MMP16: variants seen among roughly 807,000 people sequenced by gnomAD.
The protein encoded by MMP16 is matrix metallopeptidase 16.
A neutral mutation model predicts 67.8 loss-of-function variants in MMP16; 12 were observed. The ratio of observed to expected loss-of-function variants is 0.18; its 90% CI spans 0.11 to 0.29. The LOEUF (loss-of-function observed/expected upper bound fraction) is 0.29, where lower values mean the gene tolerates loss of function less well. Ranked by LOEUF, MMP16 falls within the 10% of genes least tolerant of loss-of-function variation. MMP16 has a pLI of 1.00. For synonymous variants in MMP16, 249 were observed against 255.9 expected (o/e 0.97, Z 0.26); for missense variants, 475 against 765.7 (o/e 0.62, Z 4.48).
chr8:88,128,027 C>A (rs1451119836), intron 4 of MMP16, among the ~76,000 whole-genome samples: 1 of 151,784 alleles, frequency 6.6e-6, no homozygotes, highest in Non-Finnish European at 1.5e-5. Context: ...TACTGTCATG[C>A]AAAGACACAG....
intron 3 of MMP16, among the ~76,000 whole-genome samples, chr8:88,184,806 T>G (rs1401748604): frequency 7.5e-6 from 1 of 133,366 alleles, no homozygotes; most frequent in African/African-American, 2.8e-5. Context: ...CATGTTTTCC[T>G]CTCAGAAAAC....
chr8:88,093,272 C>T (rs1808969824), intron 6 of MMP16, among the ~76,000 whole-genome samples: 1 of 151,836 alleles, frequency 6.6e-6, no homozygotes, highest in Non-Finnish European at 1.5e-5. Flanking sequence ...CAGAAGCCGA[C>T]TTTTGATTAT....
chr8:88,061,266 A>G (rs1808396880), intron 7 of MMP16, among the ~76,000 whole-genome samples: 1 of 151,996 alleles, frequency 6.6e-6, no homozygotes, highest in South Asian at 2.1e-4. Context: ...ATTTTAGTCA[A>G]ATCCCTGTGG....
chr8:88,316,076 G>A (rs1487575652), intron 1 of MMP16, among the ~76,000 whole-genome samples: 1 of 152,198 alleles, frequency 6.6e-6, no homozygotes, highest in Non-Finnish European at 1.5e-5. Flanking sequence ...TGGAGGCTGA[G>A]AGAGGTGAGG....
intron 1 of MMP16, among the ~76,000 whole-genome samples, chr8:88,215,848 A>G (rs1809584073): frequency 6.6e-6 from 1 of 152,138 alleles, no homozygotes; most frequent in Non-Finnish European, 1.5e-5. Flanking sequence ...ATTCTGACTG[A>G]CATGTATGGC....
At chr8:88,278,298 C>CA (rs971117172) in intron 1 of MMP16, among the ~76,000 whole-genome samples, 25 of 152,048 alleles carry the variant, frequency 1.6e-4, no homozygotes, top group African/African-American at 6.0e-4. Flanking sequence ...AGAACATGTC[C>CA]ACTGCTTGAG....
intron 1 of MMP16, among the ~76,000 whole-genome samples, chr8:88,204,278 A>C (rs542241875): frequency 6.6e-6 from 1 of 152,346 alleles, no homozygotes; most frequent in South Asian, 2.1e-4. Flanking sequence ...ATTTTACCAA[A>C]AGCCTTTACA....
intron 4 of MMP16, among the ~76,000 whole-genome samples, chr8:88,143,657 T>C (rs534927491): frequency 6.6e-6 from 1 of 152,144 alleles, no homozygotes; most frequent in African/African-American, 2.4e-5. Flanking sequence ...GAAAAGATTT[T>C]AGGTTGATTA....
chr8:88,197,382 T>A, intron 1 of MMP16, 76 bp from the exon 2 acceptor site: 1 of 1,268,200 alleles, frequency 7.9e-7, no homozygotes, highest in Non-Finnish European at 1.0e-6. Context: ...AATGTATATC[T>A]ATAATAGAGT....
At chr8:88,049,244 A>C (rs964767381) in intron 8 of MMP16, among the ~76,000 whole-genome samples, 5 of 152,220 alleles carry the variant, frequency 3.3e-5, no homozygotes, top group Non-Finnish European at 7.3e-5. Flanking sequence ...TGGAATCATT[A>C]GTGTATCATG....
intron 1 of MMP16, among the ~76,000 whole-genome samples, chr8:88,231,319 T>C (rs1237920598): frequency 6.6e-6 from 1 of 152,148 alleles, no homozygotes; most frequent in African/African-American, 2.4e-5. Flanking sequence ...AAATTAGTAA[T>C]TCTTTATTCA....
intron 1 of MMP16, among the ~76,000 whole-genome samples, chr8:88,238,340 C>A (rs1809977765): frequency 6.6e-6 from 1 of 152,082 alleles, no homozygotes; most frequent in South Asian, 2.1e-4. Flanking sequence ...TGGTGAAACC[C>A]CATTTCTACT....
chr8:88,303,102 C>T (rs1343714565), intron 1 of MMP16, among the ~76,000 whole-genome samples: 1 of 152,182 alleles, frequency 6.6e-6, no homozygotes, highest in Non-Finnish European at 1.5e-5. Context: ...GCTGCTCAGG[C>T]ACACACAGAG....
At chr8:88,281,939 T>C (rs1208452725) in intron 1 of MMP16, among the ~76,000 whole-genome samples, 1 of 152,192 alleles carries the variant, frequency 6.6e-6, no homozygotes, top group African/African-American at 2.4e-5. Context: ...CTCATCTGTG[T>C]CCAAAAATTT....
At position 88,327,190 on chromosome 8, in the gene MMP16, A is replaced by C; in HGVS notation, c.17T>G (p.Phe6Cys). The change falls in exon 1 of 10, where the codon TTC (phenylalanine) becomes TGC (cysteine). Residue 6 changes from phenylalanine (F) to cysteine (C), a missense_variant. By Grantham distance (205) the Phe-to-Cys change is radical (BLOSUM62 -2). Transcript: ENST00000286614. ...GAAATCCAACCGTCTTCCAGTGCTG[A>C]ATGTGAGTAAGATCATAGTGAACTG... MILLT[F>C]STGRRLDFVH... 6.2e-7 allele frequency: 1 copy of C among 1,614,066 alleles called. No homozygotes were observed. Among genetic ancestry groups the C allele is most frequent in the Admixed American group, 1.7e-5 (1 of 60,018 alleles).
At chr8:88,094,086 A>G (rs1473884475) in intron 6 of MMP16, among the ~76,000 whole-genome samples, 1 of 151,844 alleles carries the variant, frequency 6.6e-6, no homozygotes, top group Admixed American at 6.6e-5. Flanking sequence ...AGAACTCTTT[A>G]TTTTACATAT....
chr8:88,139,336 G>A (rs574003044), intron 4 of MMP16, among the ~76,000 whole-genome samples: 17 of 151,976 alleles, frequency 1.1e-4, no homozygotes, highest in South Asian at 4.2e-4. Flanking sequence ...ATAGGTCATC[G>A]GCGTATCCCA....
chr8:88,266,097 G>A (rs1401217938), intron 1 of MMP16, among the ~76,000 whole-genome samples: 2 of 152,276 alleles, frequency 1.3e-5, no homozygotes, highest in East Asian at 3.9e-4. Flanking sequence ...AACATCATAT[G>A]GCCTTTAGCA....
chr8:88,186,419 A>G, intron 3 of MMP16, 57 bp downstream of exon 3: 3 of 1,601,588 alleles, frequency 1.9e-6, no homozygotes, highest in Non-Finnish European at 2.6e-6. Flanking sequence ...ACTATGTGTC[A>G]AAACAAATAG....
Sources: allele counts gnomAD v4.1 joint callset (sites outside exome capture counted in the v4.1 genomes callset), GRCh38; gene constraint gnomAD v4.1.1; transcripts MANE v1.5; gene names NCBI Gene and HGNC (gene_info 2026-07-23, HGNC 2026-07-21).